PRDM11: variants seen among roughly 807,000 people sequenced by gnomAD.
PRDM11 encodes PR/SET domain 11.
PRDM11 carries 20 observed loss-of-function variants against 97.8 expected under a neutral mutation model. The observed-to-expected ratio is 0.20, with a 90% CI of 0.14 to 0.30. The LOEUF (loss-of-function observed/expected upper bound fraction) is 0.30. Ranked by LOEUF, PRDM11 falls within the 10% of genes least tolerant of loss-of-function variation. PRDM11 has a pLI of 1.00. For missense variants in PRDM11, 1,139 were observed against 1,555.2 expected (o/e 0.73, Z 4.50); for synonymous variants, 599 against 637.7 (o/e 0.94, Z 0.91).
intron 1 of PRDM11, among the ~76,000 whole-genome samples, chr11:45,132,429 G>GT: frequency 6.6e-6 from 1 of 152,218 alleles, no homozygotes; most frequent in East Asian, 1.9e-4. Context: ...TTATTTTAGT[G>GT]TTTTGCTCAT....
chr11:45,127,408 C>T (rs959182909), intron 1 of PRDM11, among the ~76,000 whole-genome samples: 4 of 151,140 alleles, frequency 2.6e-5, no homozygotes, highest in Non-Finnish European at 4.4e-5. Context: ...GGAGGAGAGG[C>T]GCTCTGCTTT....
intron 1 of PRDM11, among the ~76,000 whole-genome samples, chr11:45,164,984 G>A (rs1024809625): frequency 1.3e-5 from 2 of 152,208 alleles, no homozygotes; most frequent in Non-Finnish European, 1.5e-5. Context: ...GTTATTTACC[G>A]TCTGCTTATA....
chr11:45,198,628 G>A (rs376343839), intron 4 of PRDM11, among the ~76,000 whole-genome samples: 1 of 152,158 alleles, frequency 6.6e-6, no homozygotes, highest in Non-Finnish European at 1.5e-5. Flanking sequence ...GTGAATCTTC[G>A]ACTGGGGCAG....
At chr11:45,170,518 C>T (rs1174047610) in intron 1 of PRDM11, among the ~76,000 whole-genome samples, 1 of 152,126 alleles carries the variant, frequency 6.6e-6, no homozygotes, top group Non-Finnish European at 1.5e-5. Flanking sequence ...ATAGCCAGTG[C>T]TAAGGCTCAT....
At chr11:45,144,825 T>C (rs1377314414), upstream of PRDM11, among the ~76,000 whole-genome samples, 1 of 152,232 alleles carries the variant, frequency 6.6e-6, no homozygotes, top group Non-Finnish European at 1.5e-5. Context: ...TCCTCAGTGC[T>C]CTTTTCTCGG....
chr11:45,162,764 C>T (rs895883838), intron 1 of PRDM11, among the ~76,000 whole-genome samples: 3 of 152,170 alleles, frequency 2.0e-5, no homozygotes, highest in Non-Finnish European at 4.4e-5. Flanking sequence ...GCTATAAAGC[C>T]TCTGATGGTC....
chr11:45,182,043 C>A (rs1852525361), intron 2 of PRDM11, among the ~76,000 whole-genome samples, 158 bp downstream of exon 2: 1 of 152,142 alleles, frequency 6.6e-6, no homozygotes, highest in South Asian at 2.1e-4. Context: ...AAAATCCAAG[C>A]AGTGGCCTAG....
At chr11:45,162,319 C>T (rs1851949157) in intron 1 of PRDM11, among the ~76,000 whole-genome samples, 1 of 152,006 alleles carries the variant, frequency 6.6e-6, no homozygotes, top group Non-Finnish European at 1.5e-5. Context: ...CCCAGGGAGG[C>T]AGGTGAGCAG....
At chr11:45,205,429 G>A (rs1004693038) in intron 5 of PRDM11, among the ~76,000 whole-genome samples, 29 of 152,222 alleles carry the variant, frequency 1.9e-4, no homozygotes, top group African/African-American at 6.0e-4. Flanking sequence ...TGCCATGTGC[G>A]AGGGACTCTG....
intron 7 of PRDM11, chr11:45,225,075 G>A: frequency 7.0e-7 from 1 of 1,437,448 alleles, no homozygotes; most frequent in Non-Finnish European, 9.1e-7. Flanking sequence ...GTCAATAAAG[G>A]AAGTTCCGCT....
chr11:45,209,072 C>T (rs765390015), intron 5 of PRDM11: 7 of 456,594 alleles, frequency 1.5e-5, no homozygotes, highest in East Asian at 1.4e-4. Flanking sequence ...TGCCCCGCTC[C>T]GTCAAGGACA....
intron 1 of PRDM11, among the ~76,000 whole-genome samples, chr11:45,133,951 G>A (rs1322176271): frequency 6.6e-6 from 1 of 152,144 alleles, no homozygotes; most frequent in African/African-American, 2.4e-5. Context: ...CTGCTTCCTG[G>A]CACAGGAACC....
In PRDM11 at chr11:45,139,705, A is replaced by G. The variant is rs145677530; in HGVS notation, c.97-42056A>G. Among the ~76,000 whole-genome samples the G allele has an allele frequency of 2.6e-5, 4 of 152,310 alleles. No homozygotes were observed. The East Asian group carries it at 7.7e-4, about 29-fold the overall frequency. Reference sequence around the variant, plus strand: ...ACAAAAGATACAACTAAGGATGTGTACTGTCGTATTTTTATGATAAAAAAT... The same window carrying G: ...ACAAAAGATACAACTAAGGATGTGTGCTGTCGTATTTTTATGATAAAAAAT... On this transcript the variant is annotated intron_variant, in intron 1 of 6. Transcript: ENST00000530656.
At chr11:45,126,051 T>C (rs1000374826) in intron 1 of PRDM11, among the ~76,000 whole-genome samples, 22 of 152,214 alleles carry the variant, frequency 1.4e-4, no homozygotes, top group African/African-American at 4.6e-4. Flanking sequence ...ATATTTAGGA[T>C]AGTTAGCTCT....
chr11:45,135,970 A>G (rs1294029203), intron 1 of PRDM11, among the ~76,000 whole-genome samples: 1 of 152,212 alleles, frequency 6.6e-6, no homozygotes, highest in Non-Finnish European at 1.5e-5. Flanking sequence ...GAGTAAATAT[A>G]ATGTGGATGA....
intron 1 of PRDM11, among the ~76,000 whole-genome samples, chr11:45,111,537 G>T (rs1425271475): frequency 6.6e-6 from 1 of 152,148 alleles, no homozygotes; most frequent in Admixed American, 6.5e-5. Context: ...TGGCCTGAAA[G>T]GTTAAAGTTC....
At chr11:45,128,179 G>GT (rs1565243568) in intron 1 of PRDM11, among the ~76,000 whole-genome samples, 1 of 152,208 alleles carries the variant, frequency 6.6e-6, no homozygotes, top group Admixed American at 6.5e-5. Flanking sequence ...CTGGTGTGCC[G>GT]TTTTTTAAGC....
At position 45,227,444 on chromosome 11, in the gene PRDM11, G is replaced by C; in HGVS notation, c.2819G>C (p.Ser940Thr). Residue 940 changes from serine (S) to threonine (T), a missense_variant, in exon 8 of 8, where the codon AGC becomes ACC. Physicochemically the swap from Ser to Thr is moderately conservative, Grantham distance 58. Coordinates refer to ENST00000683152, the MANE Select transcript of PRDM11 (RefSeq NM_001384648.1). This position sits in a 1 kb window ranked among gnomAD's most constrained non-coding sequence, Gnocchi z 8.0. ...GAGTTCGAGGAGAATTTCCGAGAGA[G>C]CTTCAACGGGATCGCCATGAAGAAC... is the stretch of plus-strand genomic sequence containing the variant. ...LQEFEENFRE[S>T]FNGIAMKNLR... 1 of 1,533,866 alleles carries C rather than the reference G, an allele frequency of 6.5e-7. No homozygotes were observed. The highest frequency in any genetic ancestry group is 8.7e-7 in the Non-Finnish European group (1 of 1,146,742).
chr11:45,226,334 T>A lies in PRDM11; in HGVS notation c.1709T>A (p.Leu570Gln). 6.5e-7 allele frequency: 1 copy of A among 1,533,958 alleles called. No individual in the cohort carries two copies. The change falls in exon 8 of 8, where the codon CTG (leucine) becomes CAG (glutamine). Residue 570 changes from leucine (L) to glutamine (Q), a missense_variant. Coordinates refer to ENST00000683152, the MANE Select transcript of PRDM11 (RefSeq NM_001384648.1). ...CAGAGCAACCTGCACAAGAAGTGCC[T>A]GCAACTGTACAAGCTCCGCATGCAC... ...HSQSNLHKKC[L>Q]QLYKLRMHPE...
Sources: gnomAD v4.1 joint callset for allele counts (sites outside exome capture counted in the v4.1 genomes callset) on GRCh38, gnomAD v4.1.1 for gene constraint, Gnocchi (gnomAD v3.1) non-coding constraint, MANE v1.5 for transcripts, NCBI Gene and HGNC (gene_info 2026-07-23, HGNC 2026-07-21) for gene names.